Variants in UBAC2 observed in about 807,000 individuals in gnomAD.
UBAC2 encodes the protein UBA domain containing 2.
A neutral mutation model predicts 44.0 loss-of-function variants in UBAC2; 26 were observed. That is an observed-to-expected ratio of 0.59 (90% CI 0.43 to 0.82). The LOEUF (loss-of-function observed/expected upper bound fraction) is 0.82. UBAC2 is among the 40% of genes least tolerant of loss of function. The probability of loss-of-function intolerance (pLI) is 0.00; values close to 1 mark genes in which losing one functional copy is unlikely to be tolerated. For missense variants in UBAC2, 329 were observed against 419.4 expected (o/e 0.78, Z 1.88); for synonymous variants, 155 against 154.3 (o/e 1.00, Z -0.04).
At chr13:99,315,863 T>A (rs1332764021) in intron 5 of UBAC2, among the ~76,000 whole-genome samples, 1 of 151,920 alleles carries the variant, frequency 6.6e-6, no homozygotes, top group East Asian at 1.9e-4. Flanking sequence ...GGAAAGGGGG[T>A]CTTAGTTGGA....
chr13:99,327,038 A>G (rs2044649093), intron 6 of UBAC2, among the ~76,000 whole-genome samples: 3 of 152,212 alleles, frequency 2.0e-5, no homozygotes, highest in Admixed American at 6.5e-5. Context: ...TCTTCGTAAT[A>G]TGAAGAATGT....
intron 4 of UBAC2, among the ~76,000 whole-genome samples, chr13:99,264,311 A>C (rs1175757151): frequency 6.6e-6 from 1 of 152,180 alleles, no homozygotes; most frequent in Non-Finnish European, 1.5e-5. Context: ...GCCTTTGCAT[A>C]GAGTTTGGAC....
chr13:99,349,419 CAA>C (rs981430576), intron 7 of UBAC2, among the ~76,000 whole-genome samples: 13 of 152,258 alleles, frequency 8.5e-5, no homozygotes, highest in African/African-American at 2.9e-4. Context: ...AGACACAAGA[CAA>C]AGAGATAAAG....
intron 7 of UBAC2, among the ~76,000 whole-genome samples, chr13:99,360,743 C>T (rs1403927722): frequency 4.6e-5 from 7 of 152,204 alleles, no homozygotes; most frequent in African/African-American, 7.2e-5. Context: ...GTGCTTTGGC[C>T]GCAGTGGGTT....
At chr13:99,247,694 T>C (rs1039807474) in intron 4 of UBAC2, among the ~76,000 whole-genome samples, 2 of 152,172 alleles carry the variant, frequency 1.3e-5, no homozygotes, top group African/African-American at 2.4e-5. Flanking sequence ...ATGGCACATA[T>C]ATACCTCTGT....
intron 8 of UBAC2, among the ~76,000 whole-genome samples, chr13:99,375,970 ATTT>A (rs34164759): frequency 6.9e-5 from 9 of 130,810 alleles, no homozygotes; most frequent in Non-Finnish European, 8.1e-5. Context: ...AGCCCAGCTA[ATTT>A]TTTTTTTTTT....
In UBAC2 at chr13:99,385,556, T is replaced by G. The variant is rs1007673077; in HGVS notation, c.*221T>G. ...ATGTATTTTCTATCTATATTTTTTATTGGGCATTTTCCCTAGGTTGGAGAG... is the reference window on the plus strand; with the variant it reads ...ATGTATTTTCTATCTATATTTTTTAGTGGGCATTTTCCCTAGGTTGGAGAG... On this transcript the variant is annotated 3_prime_UTR_variant, in exon 9 of 9. Transcript: ENST00000403766. The G allele has an allele frequency of 2.0e-6, 1 of 511,592 alleles. No individual in the cohort carries two copies. The highest frequency in any genetic ancestry group is 3.5e-6 in the Non-Finnish European group (1 of 284,036). The allele number at this position is 511,592 out of a possible 1,614,324, so 31.7% of individuals were successfully genotyped here.
intron 1 of UBAC2, among the ~76,000 whole-genome samples, chr13:99,229,509 G>T (rs1189973884): frequency 1.3e-5 from 2 of 152,216 alleles, no homozygotes; most frequent in Non-Finnish European, 2.9e-5. Flanking sequence ...ATGTAGGGAG[G>T]TCTGGACAAC....
At chr13:99,327,472 T>C (rs1049257019) in intron 6 of UBAC2, among the ~76,000 whole-genome samples, 5 of 149,766 alleles carry the variant, frequency 3.3e-5, no homozygotes, top group Non-Finnish European at 7.4e-5. Context: ...TTTTTGGTTT[T>C]TCTCTCTCTC....
intron 7 of UBAC2, among the ~76,000 whole-genome samples, chr13:99,363,892 A>G (rs868388096): frequency 2.6e-5 from 4 of 152,294 alleles, no homozygotes; most frequent in South Asian, 2.1e-4. Flanking sequence ...TTACTTAGAA[A>G]TCTTGTAGAT....
At chr13:99,306,405 G>GT (rs1566495142) in intron 4 of UBAC2, among the ~76,000 whole-genome samples, 2 of 145,550 alleles carry the variant, frequency 1.4e-5, no homozygotes, top group African/African-American at 5.6e-5. Flanking sequence ...ACTTGTGTGT[G>GT]GGGGGGCCAC....
intron 4 of UBAC2, among the ~76,000 whole-genome samples, chr13:99,305,977 C>T (rs572457405): frequency 3.3e-5 from 5 of 152,110 alleles, no homozygotes; most frequent in Non-Finnish European, 5.9e-5. Flanking sequence ...CTCACTGCAA[C>T]CTCCGCCTCC....
At chr13:99,243,219 G>A (rs911238776) in intron 2 of UBAC2, among the ~76,000 whole-genome samples, 15 of 149,058 alleles carry the variant, frequency 1.0e-4, no homozygotes, top group Non-Finnish European at 1.8e-4. Context: ...TCAAAAATAG[G>A]CCTTTGAGTA....
chr13:99,234,824 G>A lies in UBAC2; in HGVS notation c.32-3603G>A, dbSNP rs142475329. Among the ~76,000 whole-genome samples the A allele has an allele frequency of 2.6e-5, 4 of 152,188 alleles. No individual in the cohort carries two copies. In the East Asian group the frequency reaches 5.8e-4, roughly 22 times the overall value. ...CTACCTAGATGTCTCACAATAGTGT[G>A]CATTTTGATTAAATGACATACTTGG... On this transcript the variant is annotated intron_variant, in intron 1 of 8. Coordinates refer to ENST00000403766, the MANE Select transcript of UBAC2 (RefSeq NM_001144072.2).
intron 4 of UBAC2, among the ~76,000 whole-genome samples, chr13:99,287,304 A>G (rs952030517): frequency 2.0e-5 from 3 of 152,088 alleles, no homozygotes; most frequent in Non-Finnish European, 4.4e-5. Flanking sequence ...GGCAGGTACC[A>G]GGTTTCAAGT....
intron 6 of UBAC2, among the ~76,000 whole-genome samples, chr13:99,320,517 A>G (rs2044553819): frequency 6.6e-6 from 1 of 152,172 alleles, no homozygotes; most frequent in South Asian, 2.1e-4. Flanking sequence ...GCCTTCTACT[A>G]TGACAAAAAA....
intron 4 of UBAC2, among the ~76,000 whole-genome samples, chr13:99,256,078 G>A (rs942317520): frequency 6.6e-6 from 1 of 152,184 alleles, no homozygotes; most frequent in Non-Finnish European, 1.5e-5. Context: ...ATTTGAGAGA[G>A]AATGGGAACT....
intron 7 of UBAC2, among the ~76,000 whole-genome samples, chr13:99,352,348 C>T (rs2045106516): frequency 6.6e-6 from 1 of 152,230 alleles, no homozygotes; most frequent in Admixed American, 6.5e-5. Context: ...CCCATCCGCC[C>T]TGTCCTAGGC....
At chr13:99,374,786 G>T (rs947341543) in intron 8 of UBAC2, among the ~76,000 whole-genome samples, 1 of 152,172 alleles carries the variant, frequency 6.6e-6, no homozygotes, top group Non-Finnish European at 1.5e-5. Context: ...CATGGCGTCT[G>T]GTCTCCCTGT....
Sources: gnomAD v4.1 joint callset for allele counts (sites outside exome capture counted in the v4.1 genomes callset) on GRCh38, gnomAD v4.1.1 for gene constraint, MANE v1.5 for transcripts, NCBI Gene and HGNC (gene_info 2026-07-23, HGNC 2026-07-21) for gene names.